NFIA: variants seen among roughly 807,000 people sequenced by gnomAD.
NFIA encodes nuclear factor I A.
In NFIA, 8 loss-of-function variants were observed where a neutral mutation model predicts 62.8. The observed-to-expected ratio is 0.13, with a 90% CI of 0.07 to 0.23. The LOEUF (loss-of-function observed/expected upper bound fraction) is 0.23, where lower values mean the gene tolerates loss of function less well. NFIA is among the 10% of genes least tolerant of loss of function. The probability of loss-of-function intolerance (pLI) is 1.00; values close to 1 mark genes in which losing one functional copy is unlikely to be tolerated. For missense variants in NFIA, 410 were observed against 642.1 expected (o/e 0.64, Z 3.91); for synonymous variants, 235 against 238.1 (o/e 0.99, Z 0.12).
At chr1:61,178,719 A>G (rs866435021) in intron 2 of NFIA, among the ~76,000 whole-genome samples, 1 of 152,246 alleles carries the variant, frequency 6.6e-6, no homozygotes, top group East Asian at 1.9e-4. Context: ...TACAGTTTGC[A>G]GTGGACCCCG....
chr1:61,441,209 A>G (rs113593864), intron 10 of NFIA, among the ~76,000 whole-genome samples: 2,851 of 152,130 alleles, frequency 0.019, 38 homozygotes, highest in Non-Finnish European at 0.031. Flanking sequence ...GACTGACTCA[A>G]ACGCATTGCA....
rs556072740 is a variant in NFIA, at chr1:61,189,491, C to G, written c.560-88029C>G. ...ACTATCCTGGCCAACATGGTGAAAC[C>G]CCCTCTCTACTAAAATACAAAAAAT... On this transcript the variant is annotated intron_variant, in intron 2 of 10. Transcript: ENST00000403491. 2.0e-5 allele frequency among the ~76,000 whole-genome samples: 3 copies of G among 152,170 alleles called. No individual in the cohort carries two copies. The East Asian group carries it at 5.8e-4, about 29-fold the overall frequency.
intron 5 of NFIA, among the ~76,000 whole-genome samples, chr1:61,358,443 G>C (rs1200551466): frequency 7.6e-6 from 1 of 131,492 alleles, no homozygotes; most frequent in Non-Finnish European, 1.5e-5. Flanking sequence ...GTTGAGTGCA[G>C]TGGCACGATC....
Position 61,451,341 on chromosome 1 carries a change from A to G in NFIA, c.1513-3962A>G, listed in dbSNP as rs573502485. Among the ~76,000 whole-genome samples the G allele has an allele frequency of 1.2e-4, 19 of 152,342 alleles. No individual in the cohort carries two copies. The East Asian group carries it at 3.7e-3, about 29-fold the overall frequency. On this transcript the variant is annotated intron_variant, in intron 10 of 10. Coordinates refer to ENST00000403491, the MANE Select transcript of NFIA (RefSeq NM_001134673.4). ...TAAATGAAATTTTATAAGCACATTC[A>G]GTGTGGAGCTGTTTTGCATTACATG...
At chr1:61,375,571 G>A (rs1289589313) in intron 6 of NFIA, among the ~76,000 whole-genome samples, 1 of 152,156 alleles carries the variant, frequency 6.6e-6, no homozygotes, top group Non-Finnish European at 1.5e-5. Context: ...GATCTTGGTA[G>A]CATGGTACAC....
Position 61,462,024 on chromosome 1 carries a change from G to GTTTTTTTTTTTTTTTTTTTTTGGTT in NFIA, c.*6722_*6723insTTTGGTTTTTTTTTTTTTTTTTTTT, listed in dbSNP as rs368139522. The stretch of plus-strand genomic sequence containing the variant: ...ATAGTCTGTAAGTTAGCCTTTTTGG[G>GTTTTTTTTTTTTTTTTTTTTTGGTT]TTTTTTTTTTTTTTTTTTGGCTTTT... On this transcript the variant is annotated 3_prime_UTR_variant, in exon 11 of 11. Coordinates refer to ENST00000403491, the MANE Select transcript of NFIA (RefSeq NM_001134673.4). 1.4e-5 allele frequency: 1 copy of GTTTTTTTTTTTTTTTTTTTTTGGTT among 73,206 alleles called. No individual in the cohort carries two copies. The highest frequency in any genetic ancestry group is 2.5e-5 in the Non-Finnish European group (1 of 40,492). 4.5% of individuals were successfully genotyped at this position (73,206 alleles called of 1,614,324 possible).
chr1:61,436,081 G>A (rs375000074), intron 10 of NFIA, among the ~76,000 whole-genome samples: 11 of 152,294 alleles, frequency 7.2e-5, no homozygotes, highest in Admixed American at 3.3e-4. Flanking sequence ...CTGGGTCACC[G>A]TGTGCTGGTT....
chr1:61,458,028 G>T lies in NFIA; in HGVS notation c.*2708G>T, dbSNP rs1281225623. 1 of 151,888 alleles carries T rather than the reference G, an allele frequency of 6.6e-6. No homozygotes were observed. Among genetic ancestry groups the T allele is most frequent in the Non-Finnish European group, 1.5e-5 (1 of 67,988 alleles). The allele number at this position is 151,888 out of a possible 1,614,324, so 9.4% of individuals were successfully genotyped here. On this transcript the variant is annotated 3_prime_UTR_variant, in exon 11 of 11. Transcript: ENST00000403491. ...AAAAAAAATAAAATAAAACATTTTGGATTTTCATATGTGTCTGATAAGTGG... is the reference window on the plus strand; with the variant it reads ...AAAAAAAATAAAATAAAACATTTTGTATTTTCATATGTGTCTGATAAGTGG...
chr1:61,121,121 G>GACA (rs1646880249), intron 2 of NFIA, among the ~76,000 whole-genome samples: 1 of 152,196 alleles, frequency 6.6e-6, no homozygotes, highest in Admixed American at 6.5e-5. Flanking sequence ...AGGACAGCGT[G>GACA]TGACTTGTGT....
chr1:61,272,781 T>A (rs893723695), intron 2 of NFIA, among the ~76,000 whole-genome samples: 3 of 152,230 alleles, frequency 2.0e-5, no homozygotes, highest in African/African-American at 7.2e-5. Context: ...CACTCCTGTC[T>A]TTGCCTTTTA....
At chr1:61,276,018 A>G (rs1274192163) in intron 2 of NFIA, among the ~76,000 whole-genome samples, 2 of 152,046 alleles carry the variant, frequency 1.3e-5, no homozygotes, top group East Asian at 1.9e-4. Flanking sequence ...GCATATAATA[A>G]TACATTTTGT....
At chr1:61,425,966 A>C (rs1369527389) in intron 9 of NFIA, among the ~76,000 whole-genome samples, 4 of 152,218 alleles carry the variant, frequency 2.6e-5, no homozygotes, top group Non-Finnish European at 5.9e-5. Flanking sequence ...TGGAGAACCC[A>C]TTAGTTCCTT....
intron 6 of NFIA, among the ~76,000 whole-genome samples, chr1:61,369,006 A>G (rs1319163197): frequency 6.6e-6 from 1 of 152,194 alleles, no homozygotes; most frequent in African/African-American, 2.4e-5. Flanking sequence ...CAAGCTTCAT[A>G]TGGGTGAGGA....
chr1:61,194,829 C>G (rs184806301), intron 2 of NFIA, among the ~76,000 whole-genome samples: 1 of 152,288 alleles, frequency 6.6e-6, no homozygotes, highest in East Asian at 1.9e-4. Flanking sequence ...AGGTTGCTTA[C>G]AGCTCTTAAT....
intron 4 of NFIA, among the ~76,000 whole-genome samples, chr1:61,339,160 T>G (rs1189456668): frequency 6.6e-6 from 1 of 152,186 alleles, no homozygotes; most frequent in East Asian, 1.9e-4. Flanking sequence ...TAGCTATGTT[T>G]ATAAATGGAA....
In NFIA at chr1:61,187,868, G is replaced by A. The variant is rs112282039; in HGVS notation, c.560-89652G>A. ...CTTTTGTTGAAGTGGGTCTGTGTGAGAGCGGGCTGTGCCCTCCTTCTCCAC... is the reference window on the plus strand; with the variant it reads ...CTTTTGTTGAAGTGGGTCTGTGTGAAAGCGGGCTGTGCCCTCCTTCTCCAC... On this transcript the variant is annotated intron_variant, in intron 2 of 10. Coordinates refer to ENST00000403491, the MANE Select transcript of NFIA (RefSeq NM_001134673.4). Among the ~76,000 whole-genome samples the A allele has an allele frequency of 3.7e-3, 561 of 152,284 alleles. 4 individuals are homozygous for A. Among genetic ancestry groups the A allele is most frequent in the African/African-American group, 0.013 (531 of 41,552 alleles).
rs141062233 is a variant in NFIA, at chr1:61,401,372, A to C, written c.1076-2732A>C. 1.6e-3 allele frequency among the ~76,000 whole-genome samples: 248 copies of C among 152,354 alleles called. 1 individual carries two copies. The highest frequency in any genetic ancestry group is 5.6e-3 in the African/African-American group (231 of 41,578). On this transcript the variant is annotated intron_variant, in intron 7 of 10. Coordinates refer to ENST00000403491, the MANE Select transcript of NFIA (RefSeq NM_001134673.4). ...AAATGGTGAATAAATTGTTTTTAGT[A>C]AAATAAAAAACGAAGGTCTAAATTT...
intron 2 of NFIA, among the ~76,000 whole-genome samples, chr1:61,135,541 A>G (rs1208635170): frequency 6.6e-6 from 1 of 152,174 alleles, no homozygotes. Context: ...AGTAGCTGGG[A>G]CTACTGGCAT....
intron 2 of NFIA, among the ~76,000 whole-genome samples, chr1:61,186,984 T>C (rs572885395): frequency 6.6e-6 from 1 of 152,344 alleles, no homozygotes; most frequent in African/African-American, 2.4e-5. Flanking sequence ...AGTGGTGCTG[T>C]ACTTTTGCTT....
Sources: allele counts gnomAD v4.1 joint callset (sites outside exome capture counted in the v4.1 genomes callset), GRCh38; gene constraint gnomAD v4.1.1; transcripts MANE v1.5; gene names NCBI Gene and HGNC (gene_info 2026-07-23, HGNC 2026-07-21).